Variants in XKR6 observed in about 807,000 individuals in gnomAD.
The protein encoded by XKR6 is XK-related protein 6.
In XKR6, 22 loss-of-function variants were observed where a neutral mutation model predicts 56.7. The observed-to-expected ratio is 0.39, with a 90% CI of 0.28 to 0.55. The LOEUF (loss-of-function observed/expected upper bound fraction) is 0.55, where lower values mean the gene tolerates loss of function less well. Ranked by LOEUF, XKR6 falls within the 20% of genes least tolerant of loss-of-function variation. The pLI, the probability that XKR6 is intolerant of heterozygous loss-of-function variation, is 0.66. For missense variants in XKR6, 852 were observed against 889.0 expected, an observed-to-expected ratio of 0.96 and a Z score of 0.53; for synonymous variants, 524 against 387.8, an observed-to-expected ratio of 1.35 and a Z score of -4.13.
At chr8:11,001,236 T>C (rs754849747) in intron 1 of XKR6, among the ~76,000 whole-genome samples, 20 of 152,168 alleles carry the variant, frequency 1.3e-4, no homozygotes, top group Non-Finnish European at 1.9e-4. Context: ...AAACAGAGGC[T>C]CAGAAAGCTA....
At chr8:11,179,836 G>C (rs1802874132) in intron 1 of XKR6, among the ~76,000 whole-genome samples, 1 of 152,136 alleles carries the variant, frequency 6.6e-6, no homozygotes, top group South Asian at 2.1e-4. Flanking sequence ...TTATAAACAG[G>C]ACTTTTTAAA....
chr8:10,925,889 G>T (rs1800867107), intron 1 of XKR6, among the ~76,000 whole-genome samples: 1 of 152,128 alleles, frequency 6.6e-6, no homozygotes, highest in Non-Finnish European at 1.5e-5. Context: ...CAGCCAACAG[G>T]CTCCAAGTCT....
chr8:10,914,757 G>A (rs538647845), intron 2 of XKR6, among the ~76,000 whole-genome samples: 1 of 152,242 alleles, frequency 6.6e-6, no homozygotes, highest in Admixed American at 6.5e-5. Flanking sequence ...CAGCTCCCTG[G>A]TAAGACCCTG....
At chr8:11,129,747 G>A (rs1391053045) in intron 1 of XKR6, among the ~76,000 whole-genome samples, 1 of 152,120 alleles carries the variant, frequency 6.6e-6, no homozygotes, top group Non-Finnish European at 1.5e-5. Context: ...AAATCGATGT[G>A]GGAAGGAGGA....
At chr8:11,146,702 G>C (rs1042078299) in intron 1 of XKR6, among the ~76,000 whole-genome samples, 4 of 150,590 alleles carry the variant, frequency 2.7e-5, no homozygotes, top group Non-Finnish European at 5.9e-5. Flanking sequence ...ATTATTATGA[G>C]AATGATATGG....
At chr8:11,133,610 T>C (rs879589899) in intron 1 of XKR6, among the ~76,000 whole-genome samples, 8 of 152,096 alleles carry the variant, frequency 5.3e-5, no homozygotes, top group Non-Finnish European at 8.8e-5. Flanking sequence ...CAGCAAAGAA[T>C]TGTGTGTCTA....
chr8:11,131,128 T>A (rs865974992), intron 1 of XKR6, among the ~76,000 whole-genome samples: 1 of 152,170 alleles, frequency 6.6e-6, no homozygotes, highest in Non-Finnish European at 1.5e-5. Flanking sequence ...AAAAAAACAC[T>A]CTAAATACTT....
intron 1 of XKR6, among the ~76,000 whole-genome samples, chr8:10,975,697 AG>A (rs34858901): frequency 0.048 from 7,348 of 152,274 alleles, 592 homozygotes; most frequent in African/African-American, 0.17. Context: ...CAGCACTGGC[AG>A]GGGGCTGGGA....
chr8:11,133,738 G>A (rs1800235575), intron 1 of XKR6, among the ~76,000 whole-genome samples: 1 of 152,054 alleles, frequency 6.6e-6, no homozygotes, highest in Non-Finnish European at 1.5e-5. Context: ...TCAATAGCCT[G>A]ATTCCTTTTA....
chr8:11,030,192 C>T (rs1412036492), intron 1 of XKR6, among the ~76,000 whole-genome samples: 1 of 152,186 alleles, frequency 6.6e-6, no homozygotes, highest in African/African-American at 2.4e-5. Flanking sequence ...GGCTCATTTC[C>T]ACCTCCGCGT....
intron 1 of XKR6, among the ~76,000 whole-genome samples, chr8:10,996,187 A>G (rs1027712972): frequency 6.6e-6 from 1 of 152,210 alleles, no homozygotes; most frequent in East Asian, 1.9e-4. Context: ...TCTCATAGAA[A>G]TTGACCAAAA....
chr8:11,089,512 T>C (rs960574741), intron 1 of XKR6, among the ~76,000 whole-genome samples: 1 of 152,104 alleles, frequency 6.6e-6, no homozygotes, highest in African/African-American at 2.4e-5. Context: ...TGATGCATGC[T>C]TATAGTCCCA....
chr8:11,157,423 C>G (rs1362401078), intron 1 of XKR6, among the ~76,000 whole-genome samples: 1 of 152,048 alleles, frequency 6.6e-6, no homozygotes, highest in South Asian at 2.1e-4. Context: ...TATATGGATA[C>G]TCTGTGCTAT....
chr8:11,121,973 G>A (rs1563152560), intron 1 of XKR6, among the ~76,000 whole-genome samples: 1 of 152,186 alleles, frequency 6.6e-6, no homozygotes. Context: ...CTCATAGGTG[G>A]GAATTGAACA....
chr8:11,177,598 C>T (rs1008046351), intron 1 of XKR6, among the ~76,000 whole-genome samples: 1 of 152,176 alleles, frequency 6.6e-6, no homozygotes, highest in Non-Finnish European at 1.5e-5. Context: ...CTTAATCCAA[C>T]ATGACCGGTT....
intron 1 of XKR6, among the ~76,000 whole-genome samples, chr8:11,081,865 G>T (rs1487083333): frequency 6.6e-6 from 1 of 152,222 alleles, no homozygotes; most frequent in Non-Finnish European, 1.5e-5. Flanking sequence ...CTTGGCCTGT[G>T]TCAAAGACAA....
rs906919622 is a variant in XKR6, at chr8:11,200,497, G to A, written c.764+79C>T. ...AGCCCCCCGCGCTGGGCCCTTTCGA[G>A]GGGCCGCCCCGCGAAGCACCGGGAG... On this transcript the variant is annotated intron_variant, in intron 1 of 2. Coordinates refer to ENST00000416569, the MANE Select transcript of XKR6 (RefSeq NM_173683.4). This position sits in a 1 kb window ranked among gnomAD's most constrained non-coding sequence, Gnocchi z 6.4. 5 of 1,360,182 alleles carry A rather than the reference G, an allele frequency of 3.7e-6. No homozygotes were observed. Among genetic ancestry groups the A allele is most frequent in the South Asian group, 3.7e-5 (2 of 53,870 alleles). 84.3% of individuals were successfully genotyped at this position (1,360,182 alleles called of 1,614,324 possible).
intron 1 of XKR6, among the ~76,000 whole-genome samples, chr8:11,030,489 C>G (rs537499748): frequency 6.6e-6 from 1 of 152,120 alleles, no homozygotes; most frequent in East Asian, 1.9e-4. Flanking sequence ...TGATCAATGT[C>G]GAAGTAAAAA....
chr8:11,147,841 T>C (rs948217599), intron 1 of XKR6, among the ~76,000 whole-genome samples: 1 of 152,094 alleles, frequency 6.6e-6, no homozygotes, highest in African/African-American at 2.4e-5. Flanking sequence ...CCTCCTAAAA[T>C]TCATAGGAAG....
Sources: gnomAD v4.1 joint callset for allele counts (sites outside exome capture counted in the v4.1 genomes callset) on GRCh38, gnomAD v4.1.1 for gene constraint, Gnocchi (gnomAD v3.1) non-coding constraint, MANE v1.5 for transcripts, NCBI Gene and HGNC (gene_info 2026-07-23, HGNC 2026-07-21) for gene names.